Variants in SLC25A26 observed in about 807,000 individuals in gnomAD.
SLC25A26 encodes the protein solute carrier family 25 member 26, also known as mitochondrial S-adenosylmethionine carrier protein.
In SLC25A26, 36 loss-of-function variants were observed where a neutral mutation model predicts 37.8. That is an observed-to-expected ratio of 0.95 (90% CI 0.73 to 1.26). The LOEUF is 1.26. Among genes scored for constraint, SLC25A26 ranks in the 50% most tolerant of loss-of-function variants. The pLI, the probability that SLC25A26 is intolerant of heterozygous loss-of-function variation, is 0.00. For missense variants in SLC25A26, 390 were observed against 331.1 expected, an observed-to-expected ratio of 1.18 and a Z score of -1.38; for synonymous variants, 129 against 122.5, an observed-to-expected ratio of 1.05 and a Z score of -0.35.
intron 5 of SLC25A26, among the ~76,000 whole-genome samples, chr3:66,278,841 A>G (rs2074243701): frequency 6.6e-6 from 1 of 152,202 alleles, no homozygotes. Flanking sequence ...TACATTGTCA[A>G]GAGGGTTGAC....
intron 1 of SLC25A26, among the ~76,000 whole-genome samples, chr3:66,179,938 A>C (rs539599480): frequency 3.1e-4 from 47 of 152,356 alleles, no homozygotes; most frequent in African/African-American, 1.1e-3. Context: ...TGCCATGAAC[A>C]TATGACTCAC....
intron 1 of SLC25A26, among the ~76,000 whole-genome samples, chr3:66,170,795 T>G (rs1009176459): frequency 7.8e-5 from 9 of 115,774 alleles, no homozygotes; most frequent in East Asian, 2.5e-4. Context: ...ATTATTGTTT[T>G]TTTTTTTTTT....
At chr3:66,375,423 T>G (rs982389753) in intron 9 of SLC25A26, among the ~76,000 whole-genome samples, 1 of 152,224 alleles carries the variant, frequency 6.6e-6, no homozygotes, top group Non-Finnish European at 1.5e-5. Context: ...CATCTAGGAC[T>G]TTCCTAGCTA....
intron 6 of SLC25A26, among the ~76,000 whole-genome samples, chr3:66,359,417 T>C (rs914320789): frequency 5.9e-5 from 9 of 152,258 alleles, no homozygotes; most frequent in African/African-American, 2.2e-4. Context: ...TGATTTCTTA[T>C]CACATTCACA....
At chr3:66,279,889 C>CT (rs2074279868) in intron 5 of SLC25A26, among the ~76,000 whole-genome samples, 1 of 152,086 alleles carries the variant, frequency 6.6e-6, no homozygotes, top group Non-Finnish European at 1.5e-5. Flanking sequence ...GGAATGATGA[C>CT]TAAGTTAAAA....
chr3:66,186,479 C>T, intron 1 of SLC25A26, among the ~76,000 whole-genome samples: 1 of 152,082 alleles, frequency 6.6e-6, no homozygotes, highest in Non-Finnish European at 1.5e-5. Flanking sequence ...AATCATCACT[C>T]TGACCCTGAC....
At chr3:66,154,719 C>T (rs947102453) in intron 1 of SLC25A26, among the ~76,000 whole-genome samples, 10 of 151,932 alleles carry the variant, frequency 6.6e-5, no homozygotes, top group African/African-American at 2.2e-4. Context: ...CTGGCTCAAG[C>T]GATCCACCCG....
intron 1 of SLC25A26, among the ~76,000 whole-genome samples, chr3:66,191,427 A>G (rs1245272692): frequency 6.6e-6 from 1 of 152,012 alleles, no homozygotes; most frequent in Non-Finnish European, 1.5e-5. Context: ...AATCTGTATT[A>G]GCATCAGCAA....
intron 5 of SLC25A26, among the ~76,000 whole-genome samples, chr3:66,272,293 A>G (rs2073986313): frequency 6.6e-6 from 1 of 152,150 alleles, no homozygotes; most frequent in African/African-American, 2.4e-5. Flanking sequence ...CCATGAACTT[A>G]ACCTTTATGG....
chr3:66,272,638 A>G (rs1287573068), intron 5 of SLC25A26, among the ~76,000 whole-genome samples: 14 of 152,080 alleles, frequency 9.2e-5, no homozygotes, highest in Non-Finnish European at 1.6e-4. Flanking sequence ...TCCAGCTAAA[A>G]TAGACCTACC....
chr3:66,252,314 G>A (rs1449265844), intron 3 of SLC25A26, among the ~76,000 whole-genome samples: 2 of 152,206 alleles, frequency 1.3e-5, no homozygotes, highest in East Asian at 3.8e-4. Flanking sequence ...ATTAATAGGT[G>A]CTAAGAGACA....
intron 1 of SLC25A26, among the ~76,000 whole-genome samples, chr3:66,159,514 G>T (rs2070328015): frequency 6.6e-6 from 1 of 152,152 alleles, no homozygotes; most frequent in Non-Finnish European, 1.5e-5. Context: ...TAGCATGAGG[G>T]CCTTATTGAT....
At chr3:66,191,544 T>G (rs2070942138) in intron 1 of SLC25A26, among the ~76,000 whole-genome samples, 1 of 152,188 alleles carries the variant, frequency 6.6e-6, no homozygotes, top group African/African-American at 2.4e-5. Flanking sequence ...GGTGTATTCT[T>G]TTTTTTCAAG....
intron 5 of SLC25A26, among the ~76,000 whole-genome samples, chr3:66,323,119 C>T (rs557395784): frequency 6.6e-6 from 1 of 152,246 alleles, no homozygotes; most frequent in East Asian, 1.9e-4. Flanking sequence ...CCTCTTTCCT[C>T]TCTGAGGTGG....
intron 1 of SLC25A26, among the ~76,000 whole-genome samples, chr3:66,157,558 C>G (rs1424230951): frequency 6.6e-6 from 1 of 152,216 alleles, no homozygotes; most frequent in East Asian, 1.9e-4. Flanking sequence ...ATAACTTGCT[C>G]AAAGTCATGT....
At chr3:66,152,520 T>G (rs114953780) in intron 1 of SLC25A26, among the ~76,000 whole-genome samples, 1,895 of 152,294 alleles carry the variant, frequency 0.012, 15 homozygotes, top group Non-Finnish European at 0.019. Flanking sequence ...TGGAGTGTCC[T>G]TTTCATTTTT....
intron 1 of SLC25A26, among the ~76,000 whole-genome samples, chr3:66,136,534 C>T (rs909862239): frequency 2.6e-5 from 4 of 152,156 alleles, no homozygotes; most frequent in South Asian, 4.1e-4. Context: ...TGCACTGTCT[C>T]GTCACTAAGA....
chr3:66,188,842 C>T (rs2070881417), intron 1 of SLC25A26, among the ~76,000 whole-genome samples: 7 of 151,880 alleles, frequency 4.6e-5, no homozygotes. Flanking sequence ...ATCAACCTGA[C>T]CAGACCCTGT....
At chr3:66,359,242 G>T (rs1017417144) in intron 6 of SLC25A26, among the ~76,000 whole-genome samples, 8 of 152,194 alleles carry the variant, frequency 5.3e-5, no homozygotes. Flanking sequence ...AGGCACCTCT[G>T]TGAAGCTTTC....
Sources: allele counts gnomAD v4.1 joint callset (sites outside exome capture counted in the v4.1 genomes callset), GRCh38; gene constraint gnomAD v4.1.1; transcripts MANE v1.5; gene names NCBI Gene and HGNC (gene_info 2026-07-23, HGNC 2026-07-21).